The following AADACL2 variants were observed in gnomAD, a reference collection of about 807,000 sequenced individuals.
AADACL2 encodes the protein arylacetamide deacetylase like 2, also known as arylacetamide deacetylase-like 2.
In AADACL2, 23 loss-of-function variants were observed where a neutral mutation model predicts 22.3. The ratio of observed to expected loss-of-function variants is 1.03; its 90% CI spans 0.74 to 1.46. The LOEUF (loss-of-function observed/expected upper bound fraction) is 1.46. Among genes scored for constraint, AADACL2 ranks in the 40% most tolerant of loss-of-function variants. AADACL2 has a pLI of 0.00. For synonymous variants in AADACL2, 177 were observed against 166.2 expected (o/e 1.07, Z -0.50); for missense variants, 472 against 482.9 (o/e 0.98, Z 0.21).
chr3:151,757,120 T>C lies in AADACL2; in HGVS notation c.732T>C (p.Asp244=), dbSNP rs1396234465. The part of the protein sequence containing the change: ...ENEHGIVLTR[D]VAIKLVSLYF... ...AGCATGGTATAGTTTTGACCAGGGA[T>C]GTAGCCATAAAACTCGTGAGCTTAT... The change falls in exon 5 of 5, where the codon GAT becomes GAC. Residue 244 remains aspartate, a synonymous_variant. Coordinates refer to ENST00000356517, the MANE Select transcript of AADACL2 (RefSeq NM_207365.4). 6.2e-7 allele frequency: 1 copy of C among 1,613,046 alleles called. No homozygotes were observed. Among genetic ancestry groups the C allele is most frequent in the Admixed American group, 1.7e-5 (1 of 59,878 alleles).
rs1185691681 is a variant in AADACL2 at position 151,757,011 on chromosome 3, TA to T, written c.627del (p.Lys209AsnfsTer16). On this transcript the variant is annotated frameshift_variant, in exon 5 of 5. Coordinates refer to ENST00000356517, the MANE Select transcript of AADACL2 (RefSeq NM_207365.4). LOFTEE classifies it low-confidence loss of function (END_TRUNC). ...VTQQVQNDAE[I>X]KHKIKMQVLL... ...TTTCAGGTGCAGAATGATGCTGAAATAAAACATAAAATCAAGATGCAAGTCT... is the reference window on the plus strand; with the variant it reads ...TTTCAGGTGCAGAATGATGCTGAAATAAACATAAAATCAAGATGCAAGTCT... The T allele has an allele frequency of 1.2e-6, 2 of 1,603,432 alleles. No homozygotes were observed. The highest frequency in any genetic ancestry group is 1.7e-6 in the Non-Finnish European group (2 of 1,176,672).
chr3:151,746,684 A>G (rs1378584185), intron 4 of AADACL2, among the ~76,000 whole-genome samples: 5 of 151,906 alleles, frequency 3.3e-5, no homozygotes, highest in Admixed American at 1.3e-4. Flanking sequence ...TTTTACTCCA[A>G]CTATTGAGAT....
rs747625827 is a variant in AADACL2, at chr3:151,757,522, T to A, written c.1134T>A (p.Thr378=). The change falls in exon 5 of 5, where the codon ACT becomes ACA. Residue 378 remains threonine (T), a synonymous_variant. Transcript: ENST00000356517. ...TTCATGGAGCTTTATCATTCATGAC[T>A]TCACCATTTTATTTACGTCTAGGTC... ...DGIHGALSFM[T]SPFYLRLGLR... 12 of 1,613,436 alleles carry A rather than the reference T, an allele frequency of 7.4e-6. No individual in the cohort carries two copies. The South Asian group carries it at 8.8e-5, about 12-fold the overall frequency.
chr3:151,734,631 GC>G (rs1188964543), intron 1 of AADACL2, among the ~76,000 whole-genome samples: 3 of 152,008 alleles, frequency 2.0e-5, no homozygotes, highest in African/African-American at 7.2e-5. Flanking sequence ...ATTCTAAATT[GC>G]TGGTTTTCAG....
At chr3:151,736,499 G>A (rs1018884677) in intron 1 of AADACL2, among the ~76,000 whole-genome samples, 1 of 151,908 alleles carries the variant, frequency 6.6e-6, no homozygotes, top group African/African-American at 2.4e-5. Context: ...GACAGGCCCT[G>A]GTGCATGATG....
intron 4 of AADACL2, among the ~76,000 whole-genome samples, chr3:151,746,233 G>A (rs554638227): frequency 1.4e-4 from 21 of 151,578 alleles, no homozygotes; most frequent in Admixed American, 3.9e-4. Context: ...ATGTTTATTT[G>A]GAACATATTG....
chr3:151,751,022 G>A (rs1471622907), intron 4 of AADACL2, among the ~76,000 whole-genome samples: 1 of 152,054 alleles, frequency 6.6e-6, no homozygotes, highest in African/African-American at 2.4e-5. Flanking sequence ...TTTCTTAGGA[G>A]AAAAATAAAA....
chr3:151,757,691 A>C lies in AADACL2; in HGVS notation c.*97A>C. ...GAACAATGTCATTTGAGTTATCTAAATCTACATTTGCAACATTTGTAGCAG... is the reference window on the plus strand; with the variant it reads ...GAACAATGTCATTTGAGTTATCTAACTCTACATTTGCAACATTTGTAGCAG... On this transcript the variant is annotated 3_prime_UTR_variant, in exon 5 of 5. Transcript: ENST00000356517. 1 of 1,421,068 alleles carries C rather than the reference A, an allele frequency of 7.0e-7. No homozygotes were observed. The highest frequency in any genetic ancestry group is 9.4e-7 in the Non-Finnish European group (1 of 1,058,580). 88.0% of individuals were successfully genotyped at this position (1,421,068 alleles called of 1,614,324 possible).
chr3:151,748,485 G>A (rs1713534410), intron 4 of AADACL2, among the ~76,000 whole-genome samples: 1 of 152,208 alleles, frequency 6.6e-6, no homozygotes, highest in South Asian at 2.1e-4. Context: ...CAATGTGGCA[G>A]CATTGAAAGA....
In AADACL2 at chr3:151,758,711, T is replaced by C. The variant is rs1339148079; in HGVS notation, c.*1117T>C. 1.3e-5 allele frequency: 2 copies of C among 152,078 alleles called. No individual in the cohort carries two copies. The highest frequency in any genetic ancestry group is 4.8e-5 in the African/African-American group (2 of 41,432). The allele number at this position is 152,078 out of a possible 1,614,324, so 9.4% of individuals were successfully genotyped here. A position where few individuals can be genotyped will look rare whatever the true frequency, so the allele number is the denominator to read the frequency against. ...TTGAGTGGAATCATAAACAAAAAAC[T>C]GAAAATTTATTGCTATGAAAACAGA... On this transcript the variant is annotated 3_prime_UTR_variant, in exon 5 of 5. Transcript: ENST00000356517.
chr3:151,757,563 T>G lies in AADACL2; in HGVS notation c.1175T>G (p.Met392Arg), dbSNP rs574485747. Residue 392 changes from methionine to arginine, a missense_variant, in exon 5 of 5, where the codon ATG (methionine) becomes AGG (arginine). By Grantham distance (91) the Met-to-Arg change is moderately conservative. This residue lies in a region of AADACL2 where 113 missense variants were observed against 100.9 expected (regional missense o/e 1.12). Coordinates refer to ENST00000356517, the MANE Select transcript of AADACL2 (RefSeq NM_207365.4). ...CGTCTAGGTCTTAGGATAAGAGATA[T>G]GTATGTAAGTTGGCTGGATAAGAAT... ...YLRLGLRIRD[M>R]YVSWLDKNL 2.5e-6 allele frequency: 4 copies of G among 1,610,568 alleles called. No individual in the cohort carries two copies. The East Asian group carries it at 6.7e-5, about 27-fold the overall frequency.
rs1361043563 is a variant in AADACL2 at position 151,744,087 on chromosome 3, T to C, written c.362-6T>C. On this transcript the variant is annotated splice_region_variant and splice_polypyrimidine_tract_variant and intron_variant, in intron 2 of 4. Coordinates refer to ENST00000356517, the MANE Select transcript of AADACL2 (RefSeq NM_207365.4). ...AAATACTTTGATGTTTATTTCTTCA[T>C]TTCAGAACAGAGGGCTTTTGACTTC... The C allele has an allele frequency of 1.2e-6, 2 of 1,613,356 alleles. No homozygotes were observed. Among genetic ancestry groups the C allele is most frequent in the Non-Finnish European group, 1.7e-6 (2 of 1,179,460 alleles).
At chr3:151,748,216 A>G (rs929751147) in intron 4 of AADACL2, among the ~76,000 whole-genome samples, 1 of 152,152 alleles carries the variant, frequency 6.6e-6, no homozygotes, top group Non-Finnish European at 1.5e-5. Flanking sequence ...TTTTTCTCTA[A>G]GCCTTCTTCC....
At chr3:151,742,062 A>G (rs1713294440) in intron 2 of AADACL2, among the ~76,000 whole-genome samples, 1 of 152,124 alleles carries the variant, frequency 6.6e-6, no homozygotes. Flanking sequence ...ATACTTTCTA[A>G]TTTTCACCAA....
intron 4 of AADACL2, among the ~76,000 whole-genome samples, chr3:151,748,132 T>C (rs893926964): frequency 5.3e-5 from 8 of 152,168 alleles, no homozygotes; most frequent in Non-Finnish European, 1.2e-4. Context: ...ATCCCATATA[T>C]CTATTTTTGC....
At position 151,758,820 on chromosome 3, in the gene AADACL2, T is replaced by C. The variant is rs1202143813; in HGVS notation, c.*1226T>C. On this transcript the variant is annotated 3_prime_UTR_variant, in exon 5 of 5. Transcript: ENST00000356517. ...GAAGTTAAAAATGTAGTAAGAAATG[T>C]GTATATGTATGAGTATGTGCATGTG... 2 of 152,052 alleles carry C rather than the reference T, an allele frequency of 1.3e-5. No homozygotes were observed. The highest frequency in any genetic ancestry group is 4.8e-5 in the African/African-American group (2 of 41,418). The allele number at this position is 152,052 out of a possible 1,614,324, so 9.4% of individuals were successfully genotyped here.
At chr3:151,742,291 C>G (rs1449233159) in intron 2 of AADACL2, among the ~76,000 whole-genome samples, 1 of 151,788 alleles carries the variant, frequency 6.6e-6, no homozygotes, top group Non-Finnish European at 1.5e-5. Context: ...CAACATTTAT[C>G]CTCATATCTT....
chr3:151,738,265 G>C (rs1200833330), intron 1 of AADACL2, among the ~76,000 whole-genome samples: 2 of 152,228 alleles, frequency 1.3e-5, no homozygotes, highest in Non-Finnish European at 2.9e-5. Flanking sequence ...GCTTAGTTTG[G>C]CTGGATACGA....
intron 4 of AADACL2, among the ~76,000 whole-genome samples, chr3:151,753,575 G>A (rs1046018143): frequency 6.6e-6 from 1 of 152,100 alleles, no homozygotes; most frequent in Non-Finnish European, 1.5e-5. Context: ...GAGTTGTTAG[G>A]GGTAGTTCAT....
Sources: allele counts gnomAD v4.1 joint callset (sites outside exome capture counted in the v4.1 genomes callset), GRCh38; gene constraint gnomAD v4.1.1; regional missense constraint gnomAD v4.1.1; transcripts MANE v1.5; gene names NCBI Gene and HGNC (gene_info 2026-07-23, HGNC 2026-07-21).